OTOGL: variants seen among roughly 807,000 people sequenced by gnomAD.
OTOGL encodes otogelin like, also known as otogelin-like protein.
OTOGL carries 285 observed loss-of-function variants against 318.5 expected under a neutral mutation model. That is an observed-to-expected ratio of 0.89 (90% CI 0.81 to 0.99). The LOEUF (loss-of-function observed/expected upper bound fraction) is 0.99, where lower values mean the gene tolerates loss of function less well. Ranked by LOEUF, OTOGL falls within the 50% of genes least tolerant of loss-of-function variation. OTOGL has a pLI of 0.00. For missense variants in OTOGL, 2,899 were observed against 2,845.6 expected (o/e 1.02, Z -0.43); for synonymous variants, 987 against 936.5 (o/e 1.05, Z -0.99).
intron 1 of OTOGL, among the ~76,000 whole-genome samples, chr12:80,163,874 C>A (rs1218917509): frequency 4.6e-5 from 7 of 152,004 alleles, no homozygotes; most frequent in African/African-American, 1.2e-4. Context: ...AAGGGCTGAG[C>A]CCAAGGTAAA....
chr12:80,115,095 T>G (rs1374302177), intron 1 of OTOGL, among the ~76,000 whole-genome samples: 2 of 152,136 alleles, frequency 1.3e-5, no homozygotes, highest in Non-Finnish European at 2.9e-5. Flanking sequence ...AGGCTACTTC[T>G]GTCAATTCGT....
intron 37 of OTOGL, among the ~76,000 whole-genome samples, chr12:80,330,962 G>C (rs1175406157): frequency 6.6e-6 from 1 of 151,672 alleles, no homozygotes; most frequent in African/African-American, 2.4e-5. Flanking sequence ...ATGAAACATT[G>C]TTGATAGAAT....
chr12:80,252,039 T>C (rs1473895563), intron 12 of OTOGL, 37 bp from the exon 13 acceptor site: 8 of 1,465,370 alleles, frequency 5.5e-6, no homozygotes, highest in Non-Finnish European at 7.2e-6. Flanking sequence ...TAGAGGCTAA[T>C]AAAATTGACT....
At chr12:80,257,750 TGG>T in intron 17 of OTOGL, 73 bp from the exon 18 acceptor site, 1 of 1,254,238 alleles carries the variant, frequency 8.0e-7, no homozygotes, top group Non-Finnish European at 1.1e-6. Context: ...AAGAGAGTCC[TGG>T]TGGTGTACCC....
chr12:80,184,971 G>T (rs996363014), intron 1 of OTOGL, among the ~76,000 whole-genome samples: 21 of 152,110 alleles, frequency 1.4e-4, no homozygotes, highest in African/African-American at 5.1e-4. Flanking sequence ...GATGTGTAGG[G>T]GTTCAGAGAT....
At position 80,252,092 on chromosome 12, in the gene OTOGL, T is replaced by A; in HGVS notation, c.1176T>A (p.Asp392Glu). The A allele has an allele frequency of 1.3e-6, 2 of 1,548,838 alleles. No homozygotes were observed. The highest frequency in any genetic ancestry group is 1.7e-6 in the Non-Finnish European group (2 of 1,144,936). The change falls in exon 13 of 59, where the codon GAT becomes GAA. Residue 392 changes from aspartate to glutamate, a missense_variant. By Grantham distance (45) the Asp-to-Glu change is conservative (BLOSUM62 2). This residue lies in a region of OTOGL where 2,607 missense variants were observed against 2,524.9 expected (regional missense o/e 1.03). Transcript: ENST00000547103. ...DFPACTDKCD[D>E]SFVHRDCISC... is the part of the protein sequence containing the mutation. The stretch of plus-strand genomic sequence containing the variant: ...CTGTTTTAGCTGATAAATGTGATGA[T>A]AGCTTTGTCCATCGGGACTGTATCA...
chr12:80,272,437 T>C (rs905484421), intron 24 of OTOGL, among the ~76,000 whole-genome samples: 1 of 152,034 alleles, frequency 6.6e-6, no homozygotes, highest in African/African-American at 2.4e-5. Context: ...ATTCTACTCC[T>C]ATCTTCATAA....
intron 1 of OTOGL, among the ~76,000 whole-genome samples, chr12:80,184,861 A>G (rs1420124595): frequency 6.6e-6 from 1 of 151,894 alleles, no homozygotes; most frequent in Admixed American, 6.6e-5. Flanking sequence ...CCTCCCATTT[A>G]TTTTCTGGCA....
intron 52 of OTOGL, among the ~76,000 whole-genome samples, chr12:80,365,409 C>A (rs1435940845): frequency 6.6e-6 from 1 of 151,760 alleles, no homozygotes; most frequent in African/African-American, 2.4e-5. Flanking sequence ...TAATTGAATA[C>A]GTGGATAAGA....
At chr12:80,240,424 A>G (rs139767319) in intron 11 of OTOGL, among the ~76,000 whole-genome samples, 235 of 152,250 alleles carry the variant, frequency 1.5e-3, no homozygotes, top group African/African-American at 5.2e-3. Context: ...CACATAAGAT[A>G]CCAAACAAAA....
intron 38 of OTOGL, 89 bp from the exon 39 acceptor site, chr12:80,335,862 CAATAAATGTACA>C (rs1888357948): frequency 1.3e-5 from 14 of 1,086,726 alleles, no homozygotes; most frequent in Non-Finnish European, 1.7e-5. Flanking sequence ...TTTTTGTATT[CAATAAATGTACA>C]CCATGGGCAA....
intron 42 of OTOGL, 31 bp downstream of exon 42, chr12:80,337,035 C>T (rs1335994503): frequency 6.9e-6 from 10 of 1,446,890 alleles, no homozygotes; most frequent in Middle Eastern, 1.8e-4. Flanking sequence ...TTTTTTCTCA[C>T]ATTAGATGAA....
chr12:80,336,144 A>G lies in OTOGL; in HGVS notation c.4600+4A>G. 1 of 1,571,528 alleles carries G rather than the reference A, an allele frequency of 6.4e-7. No individual in the cohort carries two copies. Among genetic ancestry groups the G allele is most frequent in the Non-Finnish European group, 8.5e-7 (1 of 1,170,598 alleles). On this transcript the variant is annotated splice_donor_region_variant and intron_variant, in intron 39 of 58. Coordinates refer to ENST00000547103, the MANE Select transcript of OTOGL (RefSeq NM_001378609.3). ...TGCCCTGAGTGGGAATGTCCTTGTAAGTTTGCATTTCTTAAGCGGTGATCT... is the reference window on the plus strand; with the variant it reads ...TGCCCTGAGTGGGAATGTCCTTGTAGGTTTGCATTTCTTAAGCGGTGATCT...
intron 44 of OTOGL, among the ~76,000 whole-genome samples, chr12:80,348,597 A>T (rs1051861034): frequency 2.6e-5 from 4 of 152,118 alleles, no homozygotes; most frequent in Non-Finnish European, 5.9e-5. Flanking sequence ...AAAATTATAA[A>T]CAGAATGTGT....
intron 32 of OTOGL, among the ~76,000 whole-genome samples, chr12:80,317,812 G>T (rs1056073545): frequency 4.6e-5 from 7 of 152,094 alleles, no homozygotes; most frequent in African/African-American, 1.7e-4. Flanking sequence ...ATGGTGGTGA[G>T]TCTCCTGCAG....
intron 1 of OTOGL, among the ~76,000 whole-genome samples, chr12:80,170,602 T>A (rs1248450482): frequency 1.3e-5 from 2 of 151,926 alleles, no homozygotes; most frequent in Non-Finnish European, 2.9e-5. Flanking sequence ...CCCGTATAAT[T>A]TTTGTATTTT....
chr12:80,181,738 G>A (rs1020076870), intron 1 of OTOGL, among the ~76,000 whole-genome samples: 4 of 152,064 alleles, frequency 2.6e-5, no homozygotes, highest in Non-Finnish European at 5.9e-5. Context: ...ATGCCACATG[G>A]TGACTACTCT....
chr12:80,191,132 G>A (rs976171016), intron 1 of OTOGL, among the ~76,000 whole-genome samples: 5 of 152,130 alleles, frequency 3.3e-5, no homozygotes, highest in African/African-American at 1.2e-4. Flanking sequence ...TTTTCATATT[G>A]TGACTTTAAA....
chr12:80,279,745 G>A (rs939884205), intron 26 of OTOGL, among the ~76,000 whole-genome samples: 6 of 151,664 alleles, frequency 4.0e-5, no homozygotes, highest in African/African-American at 1.2e-4. Flanking sequence ...GTGCTGCAAT[G>A]AATGTATGCA....
Sources: allele counts gnomAD v4.1 joint callset (sites outside exome capture counted in the v4.1 genomes callset), GRCh38; gene constraint gnomAD v4.1.1; regional missense constraint gnomAD v4.1.1; transcripts MANE v1.5; gene names NCBI Gene and HGNC (gene_info 2026-07-23, HGNC 2026-07-21).